The following TG variants were observed in gnomAD, a reference collection of about 807,000 sequenced individuals.
TG encodes thyroid hormones.
A neutral mutation model predicts 324.7 loss-of-function variants in TG; 270 were observed. The observed-to-expected ratio is 0.83, with a 90% confidence interval of 0.75 to 0.92. The LOEUF is 0.92. Among genes scored for constraint, TG ranks in the 40% least tolerant of loss-of-function variants. The probability of loss-of-function intolerance (pLI) is 0.00; values close to 1 mark genes in which losing one functional copy is unlikely to be tolerated. For missense variants in TG, 3,591 were observed against 3,456.4 expected (o/e 1.04, Z -0.98); for synonymous variants, 1,401 against 1,327.0 (o/e 1.06, Z -1.21).
intron 41 of TG, among the ~76,000 whole-genome samples, chr8:133,057,341 G>C (rs1178924586): frequency 6.6e-6 from 1 of 152,158 alleles, no homozygotes; most frequent in Non-Finnish European, 1.5e-5. Context: ...GCCCATGTCT[G>C]GTACAGAAGT....
intron 10 of TG, among the ~76,000 whole-genome samples, chr8:132,892,706 G>A (rs1002827552): frequency 2.0e-5 from 3 of 151,844 alleles, no homozygotes; most frequent in Non-Finnish European, 4.4e-5. Context: ...TGTGTGGTGT[G>A]TGTTTATGGG....
intron 11 of TG, among the ~76,000 whole-genome samples, chr8:132,894,968 G>C (rs1319008140): frequency 6.6e-6 from 1 of 152,202 alleles, no homozygotes; most frequent in African/African-American, 2.4e-5. Flanking sequence ...TGGATGGGAA[G>C]CCCAGAGACC....
At chr8:133,086,950 G>A (rs747791975) in intron 41 of TG, among the ~76,000 whole-genome samples, 1 of 152,034 alleles carries the variant, frequency 6.6e-6, no homozygotes, top group Non-Finnish European at 1.5e-5. Flanking sequence ...TAGCATGCTG[G>A]CATTGAAAAC....
chr8:133,121,541 T>G (rs1294370066), intron 45 of TG, among the ~76,000 whole-genome samples: 1 of 152,198 alleles, frequency 6.6e-6, no homozygotes, highest in Non-Finnish European at 1.5e-5. Context: ...GTATTGCTAT[T>G]CTTATGGAGG....
intron 35 of TG, chr8:132,995,203 T>A (rs1832755463): frequency 1.0e-6 from 1 of 956,314 alleles, no homozygotes; most frequent in Non-Finnish European, 1.2e-6. Context: ...TAAGCCCCAG[T>A]TTCTTTAAGG....
At chr8:133,124,538 A>G (rs73708879) in intron 45 of TG, among the ~76,000 whole-genome samples, 1 of 152,158 alleles carries the variant, frequency 6.6e-6, no homozygotes, top group Non-Finnish European at 1.5e-5. Context: ...GCATTTAAAC[A>G]AAACCCTTTA....
Position 133,094,747 on chromosome 8 carries a change from C to T in TG, c.7240-297C>T, listed in dbSNP as rs1339313758. On this transcript the variant is annotated intron_variant, in intron 41 of 47. Coordinates refer to ENST00000220616, the MANE Select transcript of TG (RefSeq NM_003235.5). ...CGATCCTCTTAAAGAACCATCAGCC[C>T]TTTGCCTCTATATACAAATTCATCT... The T allele has an allele frequency of 1.7e-5, 8 of 465,466 alleles. No homozygotes were observed. The Admixed American group carries it at 2.7e-4, about 16-fold the overall frequency. 28.8% of individuals were successfully genotyped at this position (465,466 alleles called of 1,614,324 possible). A position where few individuals can be genotyped will look rare whatever the true frequency, so the allele number is the denominator to read the frequency against.
rs996310633 is a variant in TG, at chr8:132,962,920, A to G, written c.5468-74A>G. On this transcript the variant is annotated intron_variant, in intron 28 of 47. Transcript: ENST00000220616. Reference sequence around the variant, plus strand: ...AGGGCCTGATTTTTCTCACATTGCTACTACCATTTTGTTGACCAGTGGAGT... The same window carrying G: ...AGGGCCTGATTTTTCTCACATTGCTGCTACCATTTTGTTGACCAGTGGAGT... The G allele has an allele frequency of 2.5e-5, 34 of 1,380,748 alleles. No individual in the cohort carries two copies. The South Asian group carries it at 3.8e-4, about 16-fold the overall frequency. The allele number at this position is 1,380,748 out of a possible 1,614,324, so 85.5% of individuals were successfully genotyped here.
In TG at chr8:132,913,123, G is replaced by A; in HGVS notation, c.4236G>A (p.Leu1412=). The A allele has an allele frequency of 3.7e-6, 6 of 1,614,144 alleles. No individual in the cohort carries two copies. Among genetic ancestry groups the A allele is most frequent in the Non-Finnish European group, 4.2e-6 (5 of 1,180,026 alleles). Residue 1412 remains leucine, a synonymous_variant, in exon 20 of 48, where the codon CTG becomes CTA. Coordinates refer to ENST00000220616, the MANE Select transcript of TG (RefSeq NM_003235.5). The stretch of plus-strand genomic sequence containing the variant: ...AGAGTGGCTCATTCCAGCTTCATCT[G>A]GACTCCAAGACGTTCCCAGCGGAAA... ...LIQSGSFQLH[L]DSKTFPAETI... is the part of the protein sequence containing the mutation.
At chr8:132,956,053 A>T (rs757989727) in intron 27 of TG, among the ~76,000 whole-genome samples, 22 of 152,344 alleles carry the variant, frequency 1.4e-4, no homozygotes, top group Middle Eastern at 3.4e-3. Flanking sequence ...GGCAGTCAAA[A>T]CTGTGATCAT....
chr8:133,035,063 A>G (rs1394605225), intron 41 of TG, among the ~76,000 whole-genome samples: 1 of 152,154 alleles, frequency 6.6e-6, no homozygotes, highest in Non-Finnish European at 1.5e-5. Context: ...TCTTATTGTT[A>G]TCTTCTACCT....
At chr8:133,114,043 G>C (rs1850490931) in intron 44 of TG, among the ~76,000 whole-genome samples, 1 of 152,152 alleles carries the variant, frequency 6.6e-6, no homozygotes, top group South Asian at 2.1e-4. Flanking sequence ...GCATTTAAAG[G>C]GTAGGTGACA....
In TG at chr8:132,913,114, G is replaced by A. The variant is rs758509617; in HGVS notation, c.4227G>A (p.Gln1409=). Residue 1409 remains glutamine (Q), a synonymous_variant, in exon 20 of 48, where the codon CAG becomes CAA. Coordinates refer to ENST00000220616, the MANE Select transcript of TG (RefSeq NM_003235.5). The part of the protein sequence containing the change: ...FTDLIQSGSF[Q]LHLDSKTFPA... The stretch of plus-strand genomic sequence containing the variant: ...ATCTGATCCAGAGTGGCTCATTCCA[G>A]CTTCATCTGGACTCCAAGACGTTCC... 4 of 1,614,170 alleles carry A rather than the reference G, an allele frequency of 2.5e-6. No homozygotes were observed. The East Asian group carries it at 8.9e-5, about 36-fold the overall frequency.
chr8:133,094,672 T>C (rs1848142163), intron 41 of TG: 1 of 338,378 alleles, frequency 3.0e-6, no homozygotes, highest in Non-Finnish European at 5.8e-6. Context: ...TGGTGGGAGA[T>C]GGTTCTATCT....
chr8:132,976,043 G>C (rs6993250), intron 34 of TG, among the ~76,000 whole-genome samples: 81,216 of 152,028 alleles, frequency 0.53, 22,402 homozygotes, highest in Middle Eastern at 0.63. Context: ...TAGACACAGT[G>C]TAGTGAGGAA....
At chr8:133,128,976 T>C (rs2958698) in intron 45 of TG, among the ~76,000 whole-genome samples, 2 of 152,196 alleles carry the variant, frequency 1.3e-5, no homozygotes, top group African/African-American at 4.8e-5. Flanking sequence ...TGTCAGACCC[T>C]GGCATGTTCT....
chr8:132,925,354 T>C (rs1484371428), intron 22 of TG, among the ~76,000 whole-genome samples: 2 of 152,216 alleles, frequency 1.3e-5, no homozygotes, highest in Non-Finnish European at 2.9e-5. Flanking sequence ...TATCCTCACA[T>C]ACACACACAT....
chr8:132,906,500 C>G (rs946000905), intron 16 of TG, among the ~76,000 whole-genome samples, 188 bp from the exon 17 acceptor site: 18 of 152,056 alleles, frequency 1.2e-4, no homozygotes, highest in African/African-American at 4.3e-4. Flanking sequence ...ATGGGCTCAT[C>G]CAAGTAGAGG....
intron 31 of TG, among the ~76,000 whole-genome samples, chr8:132,968,443 A>G (rs1725019576): frequency 6.6e-6 from 1 of 152,214 alleles, no homozygotes; most frequent in African/African-American, 2.4e-5. Context: ...AGTGACTTTA[A>G]CAAGATAGAA....
Sources: gnomAD v4.1 joint callset for allele counts (sites outside exome capture counted in the v4.1 genomes callset) on GRCh38, gnomAD v4.1.1 for gene constraint, MANE v1.5 for transcripts, NCBI Gene and HGNC (gene_info 2026-07-23, HGNC 2026-07-21) for gene names.